TAF4B: variants seen among roughly 807,000 people sequenced by gnomAD.
TAF4B encodes the protein TATA-box binding protein associated factor 4b.
Under a neutral mutation model 86.4 loss-of-function variants are expected in TAF4B, and 38 were observed. That is an observed-to-expected ratio of 0.44 (90% confidence interval 0.34 to 0.58). The LOEUF (loss-of-function observed/expected upper bound fraction) is 0.58. TAF4B is among the 20% of genes least tolerant of loss of function. The probability of loss-of-function intolerance (pLI) is 0.02; values close to 1 mark genes in which losing one functional copy is unlikely to be tolerated. For synonymous variants in TAF4B, 388 were observed against 391.2 expected (o/e 0.99, Z 0.10); for missense variants, 988 against 1,027.6 (o/e 0.96, Z 0.53).
At position 26,268,309 on chromosome 18, in the gene TAF4B, G is replaced by A. The variant is rs1598741906; in HGVS notation, c.597+686G>A. On this transcript the variant is annotated intron_variant, in intron 3 of 14. Coordinates refer to ENST00000269142, the MANE Select transcript of TAF4B (RefSeq NM_005640.3). ...ATACATGTTGGAGATCAGCTGTTCT[G>A]GGATTCTCATGGTTTTCGTCTTTGG... 3.9e-5 allele frequency among the ~76,000 whole-genome samples: 6 copies of A among 152,142 alleles called. 1 individual carries two copies. The highest frequency in any genetic ancestry group is 3.9e-4 in the Admixed American group (6 of 15,276).
intron 1 of TAF4B, among the ~76,000 whole-genome samples, chr18:26,229,494 CTT>C (rs34261854): frequency 0.049 from 6,395 of 129,316 alleles, 341 homozygotes; most frequent in African/African-American, 0.17. Context: ...TTCTTTCTTT[CTT>C]TTTTTTTTTT....
intron 8 of TAF4B, 100 bp downstream of exon 8, chr18:26,292,481 C>T: frequency 3.1e-6 from 4 of 1,309,718 alleles, no homozygotes; most frequent in Non-Finnish European, 4.2e-6. Context: ...GAGGTTTGGT[C>T]TTTTAAAGTT....
intron 1 of TAF4B, among the ~76,000 whole-genome samples, chr18:26,259,784 T>C (rs956153825): frequency 2.5e-4 from 38 of 152,206 alleles, no homozygotes; most frequent in Non-Finnish European, 7.3e-5. Flanking sequence ...TTTATAATCC[T>C]TTGGGTATAT....
At chr18:26,346,801 G>GTGTA (rs1298359765) in intron 13 of TAF4B, among the ~76,000 whole-genome samples, 7 of 18,250 alleles carry the variant, frequency 3.8e-4, no homozygotes, top group African/African-American at 7.4e-4. Flanking sequence ...ATATATATGT[G>GTGTA]TATATATATA....
intron 9 of TAF4B, among the ~76,000 whole-genome samples, chr18:26,297,702 G>A (rs1239827433): frequency 1.3e-5 from 2 of 152,036 alleles, no homozygotes; most frequent in African/African-American, 4.8e-5. Flanking sequence ...TTATTATACA[G>A]GTATATTGCT....
At chr18:26,312,900 C>G (rs1284604755) in intron 9 of TAF4B, among the ~76,000 whole-genome samples, 1 of 152,122 alleles carries the variant, frequency 6.6e-6, no homozygotes, top group African/African-American at 2.4e-5. Flanking sequence ...ATGTTACTTT[C>G]AATATCACCA....
At chr18:26,321,361 A>C (rs999155338) in intron 11 of TAF4B, among the ~76,000 whole-genome samples, 161 bp downstream of exon 11, 1 of 152,198 alleles carries the variant, frequency 6.6e-6, no homozygotes, top group South Asian at 2.1e-4. Flanking sequence ...AGCTTACATG[A>C]CAAATAAAAT....
chr18:26,292,015 A>G (rs776849061), intron 7 of TAF4B, among the ~76,000 whole-genome samples: 20 of 152,216 alleles, frequency 1.3e-4, no homozygotes, highest in Non-Finnish European at 2.1e-4. Context: ...TAAATTGAGT[A>G]TGGTGAAATA....
chr18:26,238,121 T>G (rs1308282350), intron 1 of TAF4B, among the ~76,000 whole-genome samples: 2 of 152,182 alleles, frequency 1.3e-5, no homozygotes, highest in Non-Finnish European at 2.9e-5. Context: ...CCTGTACCTT[T>G]GCCTTTCCTC....
intron 9 of TAF4B, among the ~76,000 whole-genome samples, chr18:26,300,013 G>A (rs901275918): frequency 3.3e-5 from 5 of 151,284 alleles, no homozygotes. Context: ...TAATTTTTTT[G>A]TTGTTGAGAC....
chr18:26,285,226 T>TTTTTTTTTG lies in TAF4B; in HGVS notation c.973-648_973-647insGTTTTTTTT, dbSNP rs1336797678. 7.9e-5 allele frequency among the ~76,000 whole-genome samples: 10 copies of TTTTTTTTTG among 126,078 alleles called. 1 individual carries two copies. The highest frequency in any genetic ancestry group is 1.8e-4 in the Non-Finnish European group (10 of 57,028). 82.7% of individuals were successfully genotyped at this position (126,078 alleles called of 152,430 possible). On this transcript the variant is annotated intron_variant, in intron 6 of 14. Coordinates refer to ENST00000269142, the MANE Select transcript of TAF4B (RefSeq NM_005640.3). ...CTTCCTTTCCTTTTTTTTTTTGTTT[T>TTTTTTTTTG]TTTTTTTTTTGGAGATGGGGTCTTG...
intron 13 of TAF4B, among the ~76,000 whole-genome samples, chr18:26,356,928 A>G (rs2057293038): frequency 6.6e-6 from 1 of 151,966 alleles, no homozygotes; most frequent in Non-Finnish European, 1.5e-5. Flanking sequence ...AAAAAATTAT[A>G]CCCTGTAGAT....
chr18:26,231,020 G>A (rs1187108602), intron 1 of TAF4B, among the ~76,000 whole-genome samples: 1 of 138,066 alleles, frequency 7.2e-6, no homozygotes, highest in Non-Finnish European at 1.6e-5. Flanking sequence ...ACAAACTTGT[G>A]GTGTGTTGTT....
At chr18:26,383,082 G>A (rs1978299951) in intron 14 of TAF4B, among the ~76,000 whole-genome samples, 1 of 152,162 alleles carries the variant, frequency 6.6e-6, no homozygotes, top group Admixed American at 6.5e-5. Context: ...ATAATCAATA[G>A]TTTGAGACAA....
chr18:26,363,078 T>C (rs898673828), intron 14 of TAF4B, among the ~76,000 whole-genome samples: 8 of 152,156 alleles, frequency 5.3e-5, no homozygotes, highest in African/African-American at 1.9e-4. Flanking sequence ...CTTTGGTTTT[T>C]GCTATCTATA....
intron 14 of TAF4B, among the ~76,000 whole-genome samples, chr18:26,372,432 C>T (rs1163096547): frequency 6.6e-6 from 1 of 152,168 alleles, no homozygotes; most frequent in Non-Finnish European, 1.5e-5. Context: ...CAATCCCTGA[C>T]TTTTGGTATG....
intron 13 of TAF4B, among the ~76,000 whole-genome samples, chr18:26,350,066 T>C (rs1176645501): frequency 6.6e-6 from 1 of 152,130 alleles, no homozygotes; most frequent in Non-Finnish European, 1.5e-5. Flanking sequence ...GTCAAATGGT[T>C]CAGAGATCTA....
chr18:26,369,326 G>A (rs1015221709), intron 14 of TAF4B, among the ~76,000 whole-genome samples: 3 of 152,286 alleles, frequency 2.0e-5, no homozygotes, highest in African/African-American at 7.2e-5. Flanking sequence ...TACCCCTTTG[G>A]AAATGTAAGG....
intron 1 of TAF4B, among the ~76,000 whole-genome samples, chr18:26,246,843 CT>C (rs937816294): frequency 3.6e-4 from 53 of 148,640 alleles, no homozygotes; most frequent in African/African-American, 1.1e-3. Flanking sequence ...TAATCTCATT[CT>C]TTTTTTTTTC....
Sources: allele counts gnomAD v4.1 joint callset (sites outside exome capture counted in the v4.1 genomes callset), GRCh38; gene constraint gnomAD v4.1.1; transcripts MANE v1.5; gene names NCBI Gene and HGNC (gene_info 2026-07-23, HGNC 2026-07-21).